The following PHF11 variants were observed in gnomAD, a reference collection of about 807,000 sequenced individuals.
The protein encoded by PHF11 is PHD finger protein 11, also known as BRCA1 C-terminus-associated protein.
In PHF11, 38 loss-of-function variants were observed where a neutral mutation model predicts 40.5. The observed-to-expected ratio is 0.94, with a 90% CI of 0.72 to 1.23. The LOEUF is 1.23. PHF11 is among the 50% of genes most tolerant of loss of function. PHF11 has a pLI of 0.00. For synonymous variants in PHF11, 127 were observed against 138.2 expected, an observed-to-expected ratio of 0.92 and a Z score of 0.57; for missense variants, 369 against 392.4, an observed-to-expected ratio of 0.94 and a Z score of 0.50.
Position 49,524,157 on chromosome 13 carries a change from T to A in PHF11, c.710T>A (p.Ile237Lys). Residue 237 changes from isoleucine (I) to lysine (K), a missense_variant, in exon 8 of 10, where the codon ATA (isoleucine) becomes AAA (lysine). Transcript: ENST00000378319. ...CTTCTTAATTACTTACTTGAAGAAA[T>A]ATTAGACAAAGTTCATTCAATTCCA... ...AGLLNYLLEE[I>K]LDKVHSIPEK... 6.2e-7 allele frequency: 1 copy of A among 1,608,354 alleles called. No homozygotes were observed. The highest frequency in any genetic ancestry group is 8.5e-7 in the Non-Finnish European group (1 of 1,175,466).
At chr13:49,523,805 TAC>T (rs1452237713) in intron 7 of PHF11, 5 of 234,658 alleles carry the variant, frequency 2.1e-5, no homozygotes, top group Admixed American at 5.3e-5. Context: ...TTTAAAAAGT[TAC>T]AGTTTTATAT....
At chr13:49,508,501 A>G (rs1440859967) in intron 2 of PHF11, among the ~76,000 whole-genome samples, 1 of 150,892 alleles carries the variant, frequency 6.6e-6, no homozygotes, top group Non-Finnish European at 1.5e-5. Context: ...CTGTAGTCAT[A>G]TAGAACTTGG....
chr13:49,528,696 T>C lies in PHF11; in HGVS notation c.*31T>C. The C allele has an allele frequency of 6.6e-7, 1 of 1,524,290 alleles. No homozygotes were observed. Among genetic ancestry groups the C allele is most frequent in the Non-Finnish European group, 8.9e-7 (1 of 1,122,132 alleles). The allele number at this position is 1,524,290 out of a possible 1,614,324, so 94.4% of individuals were successfully genotyped here. A position where few individuals can be genotyped will look rare whatever the true frequency, so the allele number is the denominator to read the frequency against. The stretch of plus-strand genomic sequence containing the variant: ...ACCGTTTCCTAAGCCAAGAGTCATG[T>C]CAAATTGCAATCAGGCTCAAAACCA... On this transcript the variant is annotated 3_prime_UTR_variant, in exon 10 of 10. Transcript: ENST00000378319.
At chr13:49,515,486 AC>A (rs1959140015) in intron 3 of PHF11, among the ~76,000 whole-genome samples, 1 of 134,928 alleles carries the variant, frequency 7.4e-6, no homozygotes, top group African/African-American at 3.2e-5. Flanking sequence ...ACACACACAC[AC>A]ACACACACAC....
At chr13:49,509,874 A>C (rs1959060238) in intron 2 of PHF11, among the ~76,000 whole-genome samples, 1 of 152,228 alleles carries the variant, frequency 6.6e-6, no homozygotes, top group Non-Finnish European at 1.5e-5. Flanking sequence ...TGTCTTTATT[A>C]GCAGTGTGAG....
rs765581300 is a variant in PHF11, at chr13:49,526,440, T to G, written c.823T>G (p.Phe275Val). ...TGACTGTAGATTGTTCGAAGACACA[T>G]TTGTAAATTTTCAAGCAGGTATATG... ...LFDCRLFEDTFVNFQAAIEKK... is the reference protein window; with the variant it reads ...LFDCRLFEDTVVNFQAAIEKK... Residue 275 changes from phenylalanine (F) to valine (V), a missense_variant, in exon 9 of 10, where the codon TTT becomes GTT. By Grantham distance (50) the Phe-to-Val change is conservative. Coordinates refer to ENST00000378319, the MANE Select transcript of PHF11 (RefSeq NM_001040443.3). 1 of 1,603,274 alleles carries G rather than the reference T, an allele frequency of 6.2e-7. No individual in the cohort carries two copies. Among genetic ancestry groups the G allele is most frequent in the East Asian group, 2.2e-5 (1 of 44,804 alleles).
chr13:49,504,209 G>A (rs1459412036), intron 1 of PHF11, among the ~76,000 whole-genome samples: 1 of 152,076 alleles, frequency 6.6e-6, no homozygotes, highest in African/African-American at 2.4e-5. Flanking sequence ...CAGCACTTTG[G>A]GAGGCCAAGC....
intron 1 of PHF11, chr13:49,496,302 C>T: frequency 2.5e-6 from 2 of 786,654 alleles, no homozygotes; most frequent in Non-Finnish European, 3.4e-6. Flanking sequence ...GGACAGGGCG[C>T]GGCCCAGGCC....
At chr13:49,522,759 G>GTTTTTTTTTTTTTT (rs34691109) in intron 6 of PHF11, among the ~76,000 whole-genome samples, 1 of 31,764 alleles carries the variant, frequency 3.1e-5, no homozygotes. Context: ...TGAATATGGG[G>GTTTTTTTTTTTTTT]TTTTTTTGTT....
rs1594223431 is a variant in PHF11 at position 49,523,935 on chromosome 13, T to TAA, written c.638-150_638-149insAA. On this transcript the variant is annotated intron_variant, in intron 7 of 9. Coordinates refer to ENST00000378319, the MANE Select transcript of PHF11 (RefSeq NM_001040443.3). ...CCAAAAAAAATGAGGTATGATGAAA[T>TAA]TATAATTAATAAAAAGGGTGAAGGT... 1.3e-5 allele frequency: 6 copies of TAA among 457,174 alleles called. No homozygotes were observed. The East Asian group carries it at 2.2e-4, about 17-fold the overall frequency. The allele number at this position is 457,174 out of a possible 1,614,324, so 28.3% of individuals were successfully genotyped here.
chr13:49,521,520 A>G, intron 5 of PHF11: 5 of 982,082 alleles, frequency 5.1e-6, no homozygotes, highest in Non-Finnish European at 6.0e-6. Context: ...TTCTCCAAAT[A>G]GCACCTCTAC....
At position 49,522,110 on chromosome 13, in the gene PHF11, A is replaced by G. The variant is rs752504843; in HGVS notation, c.570+3A>G. Reference sequence around the variant, plus strand: ...CCCTCTCAGGCAATCATGTACAGGTAATTTGACTTAGTTTTTATAGCTTTG... The same window carrying G: ...CCCTCTCAGGCAATCATGTACAGGTGATTTGACTTAGTTTTTATAGCTTTG... On this transcript the variant is annotated splice_donor_region_variant and intron_variant, in intron 6 of 9. Coordinates refer to ENST00000378319, the MANE Select transcript of PHF11 (RefSeq NM_001040443.3). 2 of 1,491,694 alleles carry G rather than the reference A, an allele frequency of 1.3e-6. No homozygotes were observed. Among genetic ancestry groups the G allele is most frequent in the Non-Finnish European group, 1.9e-6 (2 of 1,072,578 alleles). The allele number at this position is 1,491,694 out of a possible 1,614,324, so 92.4% of individuals were successfully genotyped here.
rs1959071451 is a variant in PHF11, at chr13:49,510,719, T to G, written c.217-2340T>G. Among the ~76,000 whole-genome samples the G allele has an allele frequency of 2.0e-5, 3 of 152,290 alleles. No individual in the cohort carries two copies. The South Asian group carries it at 6.2e-4, about 32-fold the overall frequency. ...CTCCTGGCCTCAAGTGATTCTCCTGTCTCAGCCTCCCAAAGTGTTGGGATT... is the reference window on the plus strand; with the variant it reads ...CTCCTGGCCTCAAGTGATTCTCCTGGCTCAGCCTCCCAAAGTGTTGGGATT... On this transcript the variant is annotated intron_variant, in intron 2 of 9. Transcript: ENST00000378319.
At position 49,513,216 on chromosome 13, in the gene PHF11, G is replaced by A. The variant is rs186328026; in HGVS notation, c.324+50G>A. On this transcript the variant is annotated intron_variant, in intron 3 of 9. Coordinates refer to ENST00000378319, the MANE Select transcript of PHF11 (RefSeq NM_001040443.3). ...TATACTGGATGAACAGACCCTCAAG[G>A]AATGCATTCCAAAGGAGTCTATTTG... The A allele has an allele frequency of 3.3e-3, 2,888 of 864,932 alleles. 7 individuals are homozygous for A. The highest frequency in any genetic ancestry group is 4.8e-3 in the Non-Finnish European group (2,478 of 519,226). The allele number at this position is 864,932 out of a possible 1,614,324, so 53.6% of individuals were successfully genotyped here.
intron 7 of PHF11, chr13:49,523,605 TG>T: frequency 3.7e-6 from 1 of 267,252 alleles, no homozygotes; most frequent in Non-Finnish European, 7.0e-6. Flanking sequence ...ACATACAAAC[TG>T]TGACAAGAAG....
chr13:49,499,680 C>T (rs978026611), intron 1 of PHF11, among the ~76,000 whole-genome samples: 6 of 152,238 alleles, frequency 3.9e-5, no homozygotes, highest in Non-Finnish European at 7.3e-5. Context: ...TAGGCATTCA[C>T]TGGACCAGTG....
In PHF11 at chr13:49,518,048, A is replaced by G; in HGVS notation, c.355A>G (p.Thr119Ala). The G allele has an allele frequency of 6.3e-7, 1 of 1,582,416 alleles. No individual in the cohort carries two copies. The change falls in exon 4 of 10, where the codon ACC becomes GCC. Residue 119 changes from threonine to alanine, a missense_variant. Physicochemically the swap from Thr to Ala is moderately conservative, Grantham distance 58 (BLOSUM62 0). Coordinates refer to ENST00000378319, the MANE Select transcript of PHF11 (RefSeq NM_001040443.3). ...KCKFCHKRGATVGCDLKNCNK... is the reference protein window; with the variant it reads ...KCKFCHKRGAAVGCDLKNCNK... ...CAAATTTTGTCATAAAAGAGGAGCC[A>G]CCGTGGGATGTGATTTAAAAAACTG...
intron 1 of PHF11, among the ~76,000 whole-genome samples, chr13:49,502,452 A>G (rs1328444694): frequency 6.6e-6 from 1 of 152,248 alleles, no homozygotes; most frequent in African/African-American, 2.4e-5. Flanking sequence ...TATTCTGTAT[A>G]TCAAAGAATA....
Position 49,526,378 on chromosome 13 carries a change from T to C in PHF11, c.770-9T>C. On this transcript the variant is annotated splice_polypyrimidine_tract_variant and intron_variant, in intron 8 of 9. Transcript: ENST00000378319. ...CTGTTTAATATTGAAAATGTTTCTC[T>C]CCCTCCAGACTATGAAGAAATCGGG... 1 of 1,582,632 alleles carries C rather than the reference T, an allele frequency of 6.3e-7. No homozygotes were observed. Among genetic ancestry groups the C allele is most frequent in the Non-Finnish European group, 8.7e-7 (1 of 1,151,472 alleles).
Sources: gnomAD v4.1 joint callset for allele counts (sites outside exome capture counted in the v4.1 genomes callset) on GRCh38, gnomAD v4.1.1 for gene constraint, MANE v1.5 for transcripts, NCBI Gene and HGNC (gene_info 2026-07-23, HGNC 2026-07-21) for gene names.